ANKH: variants seen among roughly 807,000 people sequenced by gnomAD.
The protein encoded by ANKH is ANKH inorganic pyrophosphate transport regulator.
In ANKH, 15 loss-of-function variants were observed where a neutral mutation model predicts 49.0. The observed-to-expected ratio is 0.31, with a 90% CI of 0.20 to 0.47. The LOEUF (loss-of-function observed/expected upper bound fraction) is 0.47. Ranked by LOEUF, ANKH falls within the 20% of genes least tolerant of loss-of-function variation. ANKH has a pLI of 1.00. For synonymous variants in ANKH, 273 were observed against 260.0 expected, an observed-to-expected ratio of 1.05 and a Z score of -0.48; for missense variants, 429 against 652.0, an observed-to-expected ratio of 0.66 and a Z score of 3.72.
intron 8 of ANKH, among the ~76,000 whole-genome samples, chr5:14,719,293 T>G (rs1737589745): frequency 6.6e-6 from 1 of 152,232 alleles, no homozygotes; most frequent in Admixed American, 6.5e-5. Flanking sequence ...GAAAAATATT[T>G]TCAATATTCA....
chr5:14,787,802 C>T (rs1740027791), intron 1 of ANKH, among the ~76,000 whole-genome samples: 1 of 152,154 alleles, frequency 6.6e-6, no homozygotes, highest in African/African-American at 2.4e-5. Flanking sequence ...ACTTGAAAAA[C>T]ACTGTGAATT....
In ANKH at chr5:14,718,640, G is replaced by A. The variant is rs527459146; in HGVS notation, c.1012-1805C>T. The stretch of plus-strand genomic sequence containing the variant: ...AGCCTGGCCAACATGGAGAAACCCC[G>A]TTTCTACTAAAAATACAAAATTAAC... On this transcript the variant is annotated intron_variant, in intron 8 of 11. Transcript: ENST00000284268. Among the ~76,000 whole-genome samples, 4 of 152,130 alleles carry A rather than the reference G, an allele frequency of 2.6e-5. No individual in the cohort carries two copies. In the East Asian group the frequency reaches 5.8e-4, roughly 22 times the overall value.
chr5:14,776,115 G>GC (rs1354094830), intron 1 of ANKH, among the ~76,000 whole-genome samples: 2 of 152,154 alleles, frequency 1.3e-5, no homozygotes. Flanking sequence ...GCAGGGGGCC[G>GC]CCCCCCGCAT....
At chr5:14,728,495 G>T (rs1737890053) in intron 8 of ANKH, among the ~76,000 whole-genome samples, 1 of 152,204 alleles carries the variant, frequency 6.6e-6, no homozygotes, top group Non-Finnish European at 1.5e-5. Context: ...TTCCAGTGGA[G>T]CCGGGAACAA....
At chr5:14,826,176 T>G (rs952936582) in intron 1 of ANKH, among the ~76,000 whole-genome samples, 1 of 152,208 alleles carries the variant, frequency 6.6e-6, no homozygotes, top group Non-Finnish European at 1.5e-5. Context: ...TACACATTGA[T>G]GTGTGTTTTT....
intron 1 of ANKH, chr5:14,798,231 T>G (rs1740453054): frequency 1.2e-6 from 2 of 1,601,522 alleles, no homozygotes. Flanking sequence ...ATCTTTCCCT[T>G]CTGGTCTGGT....
chr5:14,808,261 T>C (rs1389373899), intron 1 of ANKH, among the ~76,000 whole-genome samples: 1 of 151,504 alleles, frequency 6.6e-6, no homozygotes, highest in Non-Finnish European at 1.5e-5. Context: ...CATTTTTTTT[T>C]ACACTATTGA....
chr5:14,871,410 A>T lies in ANKH; in HGVS notation c.38T>A (p.Leu13Gln). 2 of 1,613,386 alleles carry T rather than the reference A, an allele frequency of 1.2e-6. No homozygotes were observed. The highest frequency in any genetic ancestry group is 8.5e-7 in the Non-Finnish European group (1 of 1,179,700). The change falls in exon 1 of 12, where the codon CTG becomes CAG. Residue 13 changes from leucine to glutamine, a missense_variant. Leu to Gln is a moderately radical substitution (Grantham distance 113). Around this residue, in one of 2 missense-constraint regions of ANKH, gnomAD observed 378 missense variants for 615.3 expected, o/e 0.61. Transcript: ENST00000284268. ...GCCCAGGGGCACCAAGAACCGGATC[A>T]GGGGCCAGTAGTGCGTGAGCGCCGG... ...KFPALTHYWP[L>Q]IRFLVPLGIT...
chr5:14,847,555 AG>A (rs1742000879), intron 1 of ANKH, among the ~76,000 whole-genome samples: 1 of 152,230 alleles, frequency 6.6e-6, no homozygotes, highest in Non-Finnish European at 1.5e-5. Flanking sequence ...TGGTCTGGGC[AG>A]GCCTGGTCCT....
rs752337167 is a variant in ANKH, at chr5:14,745,850, G to A, written c.915+20C>T. The stretch of plus-strand genomic sequence containing the variant: ...CATTTCAAAAGCATGTTTCAGACAC[G>A]ACACCGCACGGGTTCTCACCTTGTC... On this transcript the variant is annotated intron_variant, in intron 7 of 11. Coordinates refer to ENST00000284268, the MANE Select transcript of ANKH (RefSeq NM_054027.6). This position sits in a 1 kb window ranked among gnomAD's most constrained non-coding sequence, Gnocchi z 4.7. 3.7e-6 allele frequency: 6 copies of A among 1,611,730 alleles called. No individual in the cohort carries two copies. The highest frequency in any genetic ancestry group is 1.1e-5 in the South Asian group (1 of 91,012).
intron 1 of ANKH, among the ~76,000 whole-genome samples, chr5:14,833,966 C>T (rs879615448): frequency 4.6e-5 from 7 of 152,154 alleles, no homozygotes; most frequent in Non-Finnish European, 1.0e-4. Flanking sequence ...GAGAATTGCA[C>T]GGGGCTTACG....
intron 2 of ANKH, among the ~76,000 whole-genome samples, chr5:14,762,082 C>A (rs1739104991): frequency 6.6e-6 from 1 of 152,132 alleles, no homozygotes. Flanking sequence ...CCTTTAAAAA[C>A]CTGCTTGTAA....
In ANKH at chr5:14,758,615, G is replaced by A. The variant is rs1431001716; in HGVS notation, c.314-17C>T. ...CACTATAAGCTGCAAAGTGTCGAAA[G>A]GCATATGTGGAAATATTTAGAAAAG... On this transcript the variant is annotated splice_polypyrimidine_tract_variant and intron_variant, in intron 2 of 11. Transcript: ENST00000284268. The A allele has an allele frequency of 6.7e-7, 1 of 1,484,472 alleles. No homozygotes were observed. 92.0% of individuals were successfully genotyped at this position (1,484,472 alleles called of 1,614,324 possible). A position where few individuals can be genotyped will look rare whatever the true frequency, so the allele number is the denominator to read the frequency against.
chr5:14,837,821 A>T (rs1741698755), intron 1 of ANKH, among the ~76,000 whole-genome samples: 1 of 152,248 alleles, frequency 6.6e-6, no homozygotes, highest in South Asian at 2.1e-4. Flanking sequence ...AGACACATGG[A>T]CACGTATGTT....
intron 8 of ANKH, among the ~76,000 whole-genome samples, chr5:14,733,689 T>G (rs1373451793): frequency 1.3e-5 from 2 of 152,248 alleles, no homozygotes; most frequent in African/African-American, 4.8e-5. Context: ...TACATGGGCT[T>G]TGCTGGGCTC....
intron 1 of ANKH, among the ~76,000 whole-genome samples, chr5:14,827,344 G>A (rs139374729): frequency 6.6e-6 from 1 of 152,202 alleles, no homozygotes; most frequent in Non-Finnish European, 1.5e-5. Context: ...ATCTGCCTCA[G>A]GTGCACAGCC....
intron 1 of ANKH, among the ~76,000 whole-genome samples, chr5:14,828,346 C>G (rs1741405540): frequency 1.3e-5 from 2 of 152,014 alleles, no homozygotes; most frequent in South Asian, 4.2e-4. Flanking sequence ...CAAAAACAAA[C>G]AAACAACAAA....
At chr5:14,714,498 TGGA>T (rs1221920728) in intron 9 of ANKH, among the ~76,000 whole-genome samples, 1 of 152,166 alleles carries the variant, frequency 6.6e-6, no homozygotes, top group Non-Finnish European at 1.5e-5. Flanking sequence ...CAAGGGCTCT[TGGA>T]GGAGGAAGTG....
chr5:14,853,303 T>C (rs1039583786), intron 1 of ANKH, among the ~76,000 whole-genome samples: 9 of 152,224 alleles, frequency 5.9e-5, no homozygotes, highest in Non-Finnish European at 1.2e-4. Context: ...TGGTCAGGTG[T>C]GGTGGCTCAC....
Sources: gnomAD v4.1 joint callset for allele counts (sites outside exome capture counted in the v4.1 genomes callset) on GRCh38, gnomAD v4.1.1 for gene constraint, gnomAD v4.1.1 regional missense constraint, Gnocchi (gnomAD v3.1) non-coding constraint, MANE v1.5 for transcripts, NCBI Gene and HGNC (gene_info 2026-07-23, HGNC 2026-07-21) for gene names.